Variants in ARMH4 observed in about 807,000 individuals in gnomAD.
The protein encoded by ARMH4 is armadillo-like helical domain-containing protein 4.
ARMH4 carries 49 observed loss-of-function variants against 61.9 expected under a neutral mutation model. That is an observed-to-expected ratio of 0.79 (90% CI 0.63 to 1.00). The LOEUF is 1.00. ARMH4 is among the 50% of genes least tolerant of loss of function. The pLI, the probability that ARMH4 is intolerant of heterozygous loss-of-function variation, is 0.00. For missense variants in ARMH4, 934 were observed against 930.0 expected, an observed-to-expected ratio of 1.00 and a Z score of -0.06; for synonymous variants, 368 against 341.5, an observed-to-expected ratio of 1.08 and a Z score of -0.85.
chr14:58,054,449 C>T (rs1396431522), intron 5 of ARMH4, among the ~76,000 whole-genome samples: 4 of 152,194 alleles, frequency 2.6e-5, no homozygotes, highest in African/African-American at 7.2e-5. Flanking sequence ...TTCTTAACTA[C>T]ATAATATCCA....
rs148257737 is a variant in ARMH4 at position 58,096,751 on chromosome 14, C to T, written c.2062G>A (p.Glu688Lys). ...GATYQVPDAL[E>K]WEQQNQGLVR... ...AGGCCTTGATTCTGCTGTTCCCACT[C>T]GAGGGCATCTGGCACCTGGTAGGTA... is the stretch of plus-strand genomic sequence containing the variant. The change falls in exon 5 of 8, where the codon GAG becomes AAG. Residue 688 changes from glutamate to lysine, a missense_variant. Transcript: ENST00000267485. 1.3e-5 allele frequency: 21 copies of T among 1,613,942 alleles called. No homozygotes were observed. In the African/African-American group the frequency reaches 1.3e-4, roughly 10 times the overall value.
At position 58,000,972 on chromosome 14, in the gene ARMH4, T is replaced by C. The variant is rs149416415; in HGVS notation, c.*3764A>G. ...TTATACAGCAGAGCTCTAGAACTTA[T>C]TCATCTTGCATAACTGAAACATAAT... On this transcript the variant is annotated 3_prime_UTR_variant, in exon 8 of 8. Coordinates refer to ENST00000267485, the MANE Select transcript of ARMH4 (RefSeq NM_001001872.4). 718 of 152,312 alleles carry C rather than the reference T, an allele frequency of 4.7e-3. 11 individuals carry two copies. The highest frequency in any genetic ancestry group is 0.017 in the African/African-American group (690 of 41,566). The allele number at this position is 152,312 out of a possible 1,614,324, so 9.4% of individuals were successfully genotyped here. A position where few individuals can be genotyped will look rare whatever the true frequency, so the allele number is the denominator to read the frequency against.
intron 2 of ARMH4, 67 bp from the exon 3 acceptor site, chr14:58,133,408 T>C (rs1373725945): frequency 1.6e-6 from 2 of 1,226,966 alleles, no homozygotes; most frequent in Non-Finnish European, 2.2e-6. Context: ...AAAATCATGA[T>C]ATGATTAAAA....
intron 5 of ARMH4, among the ~76,000 whole-genome samples, chr14:58,076,061 GGAA>G (rs1350942029): frequency 2.0e-5 from 3 of 147,836 alleles, no homozygotes; most frequent in Non-Finnish European, 4.5e-5. Context: ...AGAAGAAGGA[GGAA>G]GAAGAAAGGA....
Position 58,138,692 on chromosome 14 carries a change from C to T in ARMH4, c.667G>A (p.Glu223Lys). ...KEMLTTNPKTEKFEADTDHRT... is the reference protein window; with the variant it reads ...KEMLTTNPKTKKFEADTDHRT... ...TGGTCTGTGTCTGCTTCAAATTTCT[C>T]AGTCTTTGGATTGGTGGTTAGCATT... Residue 223 changes from glutamate to lysine, a missense_variant, in exon 2 of 8, where the codon GAG (glutamate) becomes AAG (lysine). Coordinates refer to ENST00000267485, the MANE Select transcript of ARMH4 (RefSeq NM_001001872.4). 6.2e-7 allele frequency: 1 copy of T among 1,614,150 alleles called. No individual in the cohort carries two copies. Among genetic ancestry groups the T allele is most frequent in the Non-Finnish European group, 8.5e-7 (1 of 1,180,032 alleles).
chr14:58,108,668 A>AT (rs371459711), intron 4 of ARMH4, among the ~76,000 whole-genome samples: 47 of 151,550 alleles, frequency 3.1e-4, no homozygotes, highest in Middle Eastern at 3.4e-3. Context: ...GTTGTTGCTA[A>AT]TTTTTTTTTG....
chr14:58,113,904 ACCT>A (rs1029890067), intron 4 of ARMH4, among the ~76,000 whole-genome samples: 28 of 151,676 alleles, frequency 1.8e-4, no homozygotes, highest in African/African-American at 5.8e-4. Flanking sequence ...GTGTTTTATT[ACCT>A]CCTCATTTTT....
intron 4 of ARMH4, among the ~76,000 whole-genome samples, chr14:58,128,603 T>C (rs1242948110): frequency 6.6e-6 from 1 of 152,156 alleles, no homozygotes; most frequent in African/African-American, 2.4e-5. Context: ...GCTGACAAGA[T>C]AAAAGACACT....
intron 5 of ARMH4, among the ~76,000 whole-genome samples, chr14:58,076,968 C>T (rs10134701): frequency 7.0e-4 from 107 of 152,324 alleles, no homozygotes; most frequent in African/African-American, 2.4e-3. Flanking sequence ...ACCCTCTACC[C>T]GGCCAGCAGC....
intron 1 of ARMH4, among the ~76,000 whole-genome samples, chr14:58,149,751 A>G (rs1887862178): frequency 6.6e-6 from 1 of 152,256 alleles, no homozygotes; most frequent in South Asian, 2.1e-4. Context: ...CTTGTTGCAA[A>G]GTAGAAATAA....
intron 5 of ARMH4, among the ~76,000 whole-genome samples, chr14:58,060,184 A>T (rs178491): frequency 0.25 from 38,594 of 152,104 alleles, 6,371 homozygotes; most frequent in East Asian, 0.63. Context: ...GCTCCACTTT[A>T]TTCACTCTTT....
intron 4 of ARMH4, among the ~76,000 whole-genome samples, chr14:58,107,655 C>T (rs1382257289): frequency 6.6e-6 from 1 of 151,286 alleles, no homozygotes; most frequent in African/African-American, 2.4e-5. Context: ...TCCCAGCTAC[C>T]TGGGAGGCTG....
intron 5 of ARMH4, among the ~76,000 whole-genome samples, chr14:58,068,198 C>T (rs888546971): frequency 1.3e-5 from 2 of 152,108 alleles, no homozygotes; most frequent in African/African-American, 4.8e-5. Context: ...CAACTTTCCA[C>T]GATGGGAGGA....
intron 4 of ARMH4, among the ~76,000 whole-genome samples, chr14:58,121,510 G>C (rs923128971): frequency 1.3e-5 from 2 of 152,196 alleles, no homozygotes; most frequent in Admixed American, 6.5e-5. Flanking sequence ...CAGAATTTGT[G>C]AACACAGCTT....
chr14:58,011,802 AT>A (rs1400849208), intron 6 of ARMH4, among the ~76,000 whole-genome samples: 2 of 151,572 alleles, frequency 1.3e-5, no homozygotes, highest in African/African-American at 4.8e-5. Context: ...TGAGATGACA[AT>A]CCTGAAATTC....
intron 6 of ARMH4, among the ~76,000 whole-genome samples, chr14:58,006,348 C>T (rs1882169899): frequency 2.0e-5 from 3 of 152,140 alleles, no homozygotes. Flanking sequence ...TAATACAGCA[C>T]AAACTGTTTT....
intron 2 of ARMH4, among the ~76,000 whole-genome samples, chr14:58,133,692 C>A (rs1467026112): frequency 6.6e-6 from 1 of 152,172 alleles, no homozygotes; most frequent in East Asian, 1.9e-4. Context: ...AAGTTACACT[C>A]AAAAACTCTC....
At chr14:58,077,366 G>C (rs1367513915) in intron 5 of ARMH4, among the ~76,000 whole-genome samples, 3 of 152,220 alleles carry the variant, frequency 2.0e-5, no homozygotes, top group African/African-American at 7.2e-5. Flanking sequence ...CCATTTGGGA[G>C]GCTGAGACAG....
chr14:58,114,624 G>T (rs1886460877), intron 4 of ARMH4, among the ~76,000 whole-genome samples: 1 of 152,150 alleles, frequency 6.6e-6, no homozygotes, highest in African/African-American at 2.4e-5. Flanking sequence ...GGTCCAACGA[G>T]CTGAGTGAGA....
Sources: allele counts gnomAD v4.1 joint callset (sites outside exome capture counted in the v4.1 genomes callset), GRCh38; gene constraint gnomAD v4.1.1; transcripts MANE v1.5; gene names NCBI Gene and HGNC (gene_info 2026-07-23, HGNC 2026-07-21).